BICD1: variants seen among roughly 807,000 people sequenced by gnomAD.
BICD1 encodes BICD cargo adaptor 1, also known as protein bicaudal D homolog 1.
In BICD1, 35 loss-of-function variants were observed where a neutral mutation model predicts 92.5. That is an observed-to-expected ratio of 0.38 (90% CI 0.29 to 0.50). The LOEUF (loss-of-function observed/expected upper bound fraction) is 0.50. Among genes scored for constraint, BICD1 ranks in the 20% least tolerant of loss-of-function variants. BICD1 has a pLI of 0.93. For missense variants in BICD1, 950 were observed against 1,189.8 expected, an observed-to-expected ratio of 0.80 and a Z score of 2.97; for synonymous variants, 429 against 465.1, an observed-to-expected ratio of 0.92 and a Z score of 1.00.
At chr12:32,298,475 G>A (rs1382838675) in intron 3 of BICD1, among the ~76,000 whole-genome samples, 1 of 149,476 alleles carries the variant, frequency 6.7e-6, no homozygotes, top group Non-Finnish European at 1.5e-5. Context: ...TGAGGCAGGA[G>A]AATCGCTTGA....
intron 1 of BICD1, among the ~76,000 whole-genome samples, chr12:32,167,000 G>C (rs936437208): frequency 6.6e-6 from 1 of 152,106 alleles, no homozygotes; most frequent in African/African-American, 2.4e-5. Flanking sequence ...TGTTTGCATT[G>C]GTTATCCTTG....
intron 1 of BICD1, among the ~76,000 whole-genome samples, chr12:32,159,759 T>G (rs1943545394): frequency 6.6e-6 from 1 of 152,224 alleles, no homozygotes; most frequent in Admixed American, 6.5e-5. Context: ...TCTGGTTGGA[T>G]TCCCACCTGT....
rs1052340724 is a variant in BICD1, at chr12:32,348,260, T to C, written c.2764+9281T>C. Among the ~76,000 whole-genome samples, 6 of 152,172 alleles carry C rather than the reference T, an allele frequency of 3.9e-5. No homozygotes were observed. The East Asian group carries it at 9.6e-4, about 24-fold the overall frequency. On this transcript the variant is annotated intron_variant, in intron 8 of 9. Coordinates refer to ENST00000652176, the MANE Select transcript of BICD1 (RefSeq NM_001714.4). ...TGAAACTTTTTAATTACTGAAGAGA[T>C]CAACATGAAAAACTCTGTAGCAAGA...
chr12:32,353,950 T>C (rs1461187362), intron 8 of BICD1: 1 of 152,204 alleles, frequency 6.6e-6, no homozygotes, highest in African/African-American at 2.4e-5. Flanking sequence ...GAATGTACTT[T>C]TACCTCTTGG....
chr12:32,116,506 CTCTCTATATA>C (rs1413994281), intron 1 of BICD1, among the ~76,000 whole-genome samples: 75 of 86,906 alleles, frequency 8.6e-4, no homozygotes, highest in African/African-American at 3.2e-3. Flanking sequence ...CTCTCTCTCT[CTCTCTATATA>C]TATATATATA....
intron 1 of BICD1, among the ~76,000 whole-genome samples, chr12:32,112,247 C>A (rs1941726050): frequency 6.6e-6 from 1 of 152,146 alleles, no homozygotes. Context: ...CTCAGGTGAT[C>A]CGCCTGCCTC....
intron 1 of BICD1, among the ~76,000 whole-genome samples, chr12:32,156,396 C>T (rs185585634): frequency 8.5e-5 from 13 of 152,188 alleles, no homozygotes; most frequent in South Asian, 8.3e-4. Context: ...TTCCAGCTCC[C>T]GGGATGAATT....
chr12:32,147,717 C>A (rs1943156874), intron 1 of BICD1, among the ~76,000 whole-genome samples: 1 of 152,140 alleles, frequency 6.6e-6, no homozygotes, highest in South Asian at 2.1e-4. Context: ...GAAATGTCTT[C>A]TATGAACTAG....
intron 4 of BICD1, among the ~76,000 whole-genome samples, chr12:32,315,624 C>G (rs138135557): frequency 1.6e-4 from 25 of 152,196 alleles, no homozygotes; most frequent in Admixed American, 5.2e-4. Context: ...TTATTTAGGT[C>G]TTCTTTCATT....
intron 9 of BICD1, among the ~76,000 whole-genome samples, chr12:32,371,078 G>A (rs1444057343): frequency 6.6e-6 from 1 of 151,958 alleles, no homozygotes; most frequent in Non-Finnish European, 1.5e-5. Context: ...AAACAATTAT[G>A]TAGTCTAGTT....
At chr12:32,142,702 T>G (rs1373349778) in intron 1 of BICD1, among the ~76,000 whole-genome samples, 1 of 152,192 alleles carries the variant, frequency 6.6e-6, no homozygotes, top group Non-Finnish European at 1.5e-5. Context: ...ATTTCATCAT[T>G]AAGATTATTC....
intron 8 of BICD1, among the ~76,000 whole-genome samples, chr12:32,356,306 A>C (rs1430602627): frequency 2.0e-5 from 3 of 152,216 alleles, no homozygotes; most frequent in Non-Finnish European, 1.5e-5. Flanking sequence ...GATGGACTCT[A>C]AATTTCATGC....
At position 32,305,936 on chromosome 12, in the gene BICD1, C is replaced by A. The variant is rs200219193; in HGVS notation, c.819C>A (p.Ala273=). ...ISISVDGLKF[A]EDGSEPNNDD... Reference sequence around the variant, plus strand: ...TCTCAGTAGATGGACTCAAATTTGCCGAGGATGGGAGTGAACCAAACAATG... The same window carrying A: ...TCTCAGTAGATGGACTCAAATTTGCAGAGGATGGGAGTGAACCAAACAATG... Residue 273 remains alanine, a synonymous_variant, in exon 4 of 10, where the codon GCC becomes GCA. Coordinates refer to ENST00000652176, the MANE Select transcript of BICD1 (RefSeq NM_001714.4). The A allele has an allele frequency of 6.2e-7, 1 of 1,614,050 alleles. No homozygotes were observed. The highest frequency in any genetic ancestry group is 8.5e-7 in the Non-Finnish European group (1 of 1,180,018).
intron 8 of BICD1, among the ~76,000 whole-genome samples, chr12:32,367,060 C>G (rs150453124): frequency 6.6e-6 from 1 of 152,210 alleles, no homozygotes; most frequent in Non-Finnish European, 1.5e-5. Context: ...AAGTCACTAA[C>G]AATTTACTAT....
At chr12:32,145,300 C>A (rs566266530) in intron 1 of BICD1, among the ~76,000 whole-genome samples, 2 of 152,188 alleles carry the variant, frequency 1.3e-5, no homozygotes, top group South Asian at 4.2e-4. Flanking sequence ...TGTGACAGAA[C>A]ATGGTAGAGG....
At chr12:32,302,570 AC>A (rs1948085313) in intron 3 of BICD1, among the ~76,000 whole-genome samples, 1 of 152,306 alleles carries the variant, frequency 6.6e-6, no homozygotes, top group South Asian at 2.1e-4. Context: ...CATGTTTGTA[AC>A]ATGCTATTTA....
chr12:32,217,115 A>T (rs993806445), intron 2 of BICD1, among the ~76,000 whole-genome samples: 1 of 152,208 alleles, frequency 6.6e-6, no homozygotes, highest in African/African-American at 2.4e-5. Context: ...TGGAGGGGTG[A>T]TGTTGGAAAC....
intron 4 of BICD1, among the ~76,000 whole-genome samples, chr12:32,310,437 A>G (rs1027807066): frequency 8.1e-6 from 1 of 123,342 alleles, no homozygotes; most frequent in Non-Finnish European, 1.8e-5. Flanking sequence ...GTGCAGGAGA[A>G]TGAAATCCCC....
Position 32,383,049 on chromosome 12 carries a change from C to CATGCAAATA in BICD1, c.*5425_*5426insCAAATAATG, listed in dbSNP as rs1431018919. ...TTATAATCTACTCTGTTTTTATTTG[C>CATGCAAATA]ATGATTATGCTTATGTGATGAACCA... is the stretch of plus-strand genomic sequence containing the variant. On this transcript the variant is annotated 3_prime_UTR_variant, in exon 10 of 10. Transcript: ENST00000652176. The CATGCAAATA allele has an allele frequency of 2.6e-5, 4 of 151,978 alleles. No homozygotes were observed. The highest frequency in any genetic ancestry group is 6.6e-5 in the Admixed American group (1 of 15,258). The allele number at this position is 151,978 out of a possible 1,614,324, so 9.4% of individuals were successfully genotyped here.
Sources: gnomAD v4.1 joint callset for allele counts (sites outside exome capture counted in the v4.1 genomes callset) on GRCh38, gnomAD v4.1.1 for gene constraint, MANE v1.5 for transcripts, NCBI Gene and HGNC (gene_info 2026-07-23, HGNC 2026-07-21) for gene names.